PPP2R2B: variants seen among roughly 807,000 people sequenced by gnomAD.
PPP2R2B encodes protein phosphatase 2 regulatory subunit Bbeta.
A neutral mutation model predicts 46.0 loss-of-function variants in PPP2R2B; 5 were observed. That is an observed-to-expected ratio of 0.11 (90% CI 0.06 to 0.23). The LOEUF is 0.23. Among genes scored for constraint, PPP2R2B ranks in the 10% least tolerant of loss-of-function variants. The probability of loss-of-function intolerance (pLI) is 1.00; values close to 1 mark genes in which losing one functional copy is unlikely to be tolerated. For synonymous variants in PPP2R2B, 215 were observed against 206.7 expected, an observed-to-expected ratio of 1.04 and a Z score of -0.34; for missense variants, 367 against 575.0, an observed-to-expected ratio of 0.64 and a Z score of 3.70.
At chr5:147,002,736 C>A (rs1332882886) in intron 1 of PPP2R2B, among the ~76,000 whole-genome samples, 1 of 148,682 alleles carries the variant, frequency 6.7e-6, no homozygotes, top group East Asian at 1.9e-4. Context: ...GTCCAGGGAC[C>A]ATTGCGGGTT....
rs183723068 is a variant in PPP2R2B at position 146,942,556 on chromosome 5, T to C, written c.79+113109A>G. The stretch of plus-strand genomic sequence containing the variant: ...TAAATGCTTAGAAATACAATGTCTG[T>C]GTAGAAGAAAAATATGCATTTTTAT... On this transcript the variant is annotated intron_variant, in intron 1 of 8. Transcript: ENST00000336640. Among the ~76,000 whole-genome samples the C allele has an allele frequency of 6.4e-4, 98 of 152,262 alleles. 5 individuals carry two copies. The East Asian group carries it at 0.013, about 20-fold the overall frequency.
chr5:146,981,558 G>A (rs1353433958), intron 1 of PPP2R2B, among the ~76,000 whole-genome samples: 1 of 151,922 alleles, frequency 6.6e-6, no homozygotes. Context: ...GGGTTCATAA[G>A]CACTTGAAAG....
At chr5:146,934,998 C>T (rs1764094748) in intron 1 of PPP2R2B, among the ~76,000 whole-genome samples, 1 of 152,126 alleles carries the variant, frequency 6.6e-6, no homozygotes. Flanking sequence ...TTAATTTATG[C>T]ATTTATTTAT....
chr5:147,029,380 T>C (rs1244287407), intron 1 of PPP2R2B, among the ~76,000 whole-genome samples: 1 of 152,202 alleles, frequency 6.6e-6, no homozygotes, highest in Non-Finnish European at 1.5e-5. Context: ...CTCCACACCA[T>C]TTATTGAAAA....
At chr5:146,640,007 C>G (rs1220387872) in intron 6 of PPP2R2B, among the ~76,000 whole-genome samples, 1 of 152,196 alleles carries the variant, frequency 6.6e-6, no homozygotes, top group Non-Finnish European at 1.5e-5. Flanking sequence ...TTTCATTAAG[C>G]TAGTAGCATA....
chr5:147,007,157 A>G (rs13362410), intron 1 of PPP2R2B, among the ~76,000 whole-genome samples: 39,754 of 151,944 alleles, frequency 0.26, 5,990 homozygotes, highest in African/African-American at 0.41. Flanking sequence ...CCTTTCACTG[A>G]CCTAAAGAGT....
At chr5:147,059,466 G>A (rs536928838), upstream of PPP2R2B, among the ~76,000 whole-genome samples, 65 of 152,248 alleles carry the variant, frequency 4.3e-4, no homozygotes, top group African/African-American at 1.6e-3. Context: ...AGGGTCACCA[G>A]GAGAGGAATG....
chr5:146,795,657 G>T (rs946130681), intron 2 of PPP2R2B, among the ~76,000 whole-genome samples: 3 of 152,046 alleles, frequency 2.0e-5, no homozygotes, highest in Non-Finnish European at 2.9e-5. Flanking sequence ...CATCACATAT[G>T]CATAAAACAA....
intron 1 of PPP2R2B, among the ~76,000 whole-genome samples, chr5:147,015,227 C>T (rs190715249): frequency 2.9e-4 from 43 of 149,196 alleles, no homozygotes; most frequent in Admixed American, 1.2e-3. Context: ...CTCCTTTCCC[C>T]AATTTTATAG....
intron 1 of PPP2R2B, among the ~76,000 whole-genome samples, chr5:146,924,839 T>G (rs1022367684): frequency 5.9e-5 from 9 of 152,166 alleles, no homozygotes; most frequent in Non-Finnish European, 1.2e-4. Context: ...GGTTTCCAGC[T>G]TCATCCATGT....
rs1770305358 is a variant in PPP2R2B at position 146,588,702 on chromosome 5, C to T, written c.*1245G>A. 1 of 151,010 alleles carries T rather than the reference C, an allele frequency of 6.6e-6. No homozygotes were observed. Among genetic ancestry groups the T allele is most frequent in the South Asian group, 2.1e-4 (1 of 4,832 alleles). The allele number at this position is 151,010 out of a possible 1,614,324, so 9.4% of individuals were successfully genotyped here. On this transcript the variant is annotated 3_prime_UTR_variant, in exon 10 of 10. Transcript: ENST00000394411. ...TCCTCAACTGGGGAAAAGGATGAAC[C>T]ATCTTCCACAGCTTCAAGTGGACTT...
At chr5:147,065,981 C>T (rs1232658156) in intron 2 of PPP2R2B, among the ~76,000 whole-genome samples, 1 of 152,058 alleles carries the variant, frequency 6.6e-6, no homozygotes, top group Admixed American at 6.6e-5. Context: ...ATAACCTGAT[C>T]AAGGACCCAC....
chr5:146,711,642 A>G (rs1257161776), intron 2 of PPP2R2B, among the ~76,000 whole-genome samples: 1 of 152,218 alleles, frequency 6.6e-6, no homozygotes, highest in African/African-American at 2.4e-5. Context: ...TAAGAAAGCC[A>G]AAGTGGATGA....
chr5:146,871,814 G>T (rs887666724), intron 2 of PPP2R2B, among the ~76,000 whole-genome samples: 3 of 152,230 alleles, frequency 2.0e-5, no homozygotes, highest in Non-Finnish European at 4.4e-5. Flanking sequence ...AAGTGAGTAT[G>T]TTTGTAATAC....
At chr5:147,008,690 C>G (rs1754568053) in intron 1 of PPP2R2B, among the ~76,000 whole-genome samples, 1 of 152,168 alleles carries the variant, frequency 6.6e-6, no homozygotes, top group African/African-American at 2.4e-5. Context: ...TCCTATGTCC[C>G]TGTGGTTGTT....
chr5:147,056,147 G>T (rs960660625), upstream of PPP2R2B: 9 of 1,015,898 alleles, frequency 8.9e-6, no homozygotes, highest in South Asian at 4.0e-5. Flanking sequence ...TGGGAGTAGT[G>T]AGGATAAGTG....
chr5:146,828,185 T>C (rs1758699259), intron 2 of PPP2R2B, among the ~76,000 whole-genome samples: 1 of 152,144 alleles, frequency 6.6e-6, no homozygotes, highest in East Asian at 1.9e-4. Context: ...ATTCTCTAGT[T>C]GAAGGTTTTA....
chr5:146,581,656 C>T lies in PPP2R2B; in HGVS notation c.*8291G>A, dbSNP rs565025481. 7.2e-5 allele frequency: 11 copies of T among 152,310 alleles called. No individual in the cohort carries two copies. The East Asian group carries it at 1.9e-3, about 27-fold the overall frequency. 9.4% of individuals were successfully genotyped at this position (152,310 alleles called of 1,614,324 possible). A position where few individuals can be genotyped will look rare whatever the true frequency, so the allele number is the denominator to read the frequency against. On this transcript the variant is annotated 3_prime_UTR_variant, in exon 10 of 10. Transcript: ENST00000394411. ...CCTTCTGCCTTTTTCCTGTTAGAGT[C>T]CAGCATAGACTGAAAGGCCATTCCG... is the stretch of plus-strand genomic sequence containing the variant.
At chr5:147,000,090 G>A (rs1754097946) in intron 1 of PPP2R2B, among the ~76,000 whole-genome samples, 1 of 152,096 alleles carries the variant, frequency 6.6e-6, no homozygotes, top group Admixed American at 6.6e-5. Context: ...ACAGACAGAG[G>A]GATTCCAAGA....
Sources: allele counts gnomAD v4.1 joint callset (sites outside exome capture counted in the v4.1 genomes callset), GRCh38; gene constraint gnomAD v4.1.1; transcripts MANE v1.5; gene names NCBI Gene and HGNC (gene_info 2026-07-23, HGNC 2026-07-21).